Variants in POLDIP3 observed in about 807,000 individuals in gnomAD.
The protein encoded by POLDIP3 is polymerase delta-interacting protein 3.
In POLDIP3, 14 loss-of-function variants were observed where a neutral mutation model predicts 45.1. The ratio of observed to expected loss-of-function variants is 0.31; its 90% CI spans 0.20 to 0.49. The LOEUF (loss-of-function observed/expected upper bound fraction) is 0.49, where lower values mean the gene tolerates loss of function less well. Among genes scored for constraint, POLDIP3 ranks in the 20% least tolerant of loss-of-function variants. POLDIP3 has a pLI of 0.99. For missense variants in POLDIP3, 511 were observed against 538.8 expected, an observed-to-expected ratio of 0.95 and a Z score of 0.51; for synonymous variants, 223 against 205.2, an observed-to-expected ratio of 1.09 and a Z score of -0.74.
intron 1 of POLDIP3, among the ~76,000 whole-genome samples, chr22:42,613,553 A>G (rs1420124731): frequency 6.6e-6 from 1 of 152,180 alleles, no homozygotes; most frequent in African/African-American, 2.4e-5. Flanking sequence ...TGAGGTCAGG[A>G]GTTCGAAACC....
At position 42,585,728 on chromosome 22, in the gene POLDIP3, T is replaced by C. The variant is rs931529692; in HGVS notation, c.*63A>G. The C allele has an allele frequency of 1.3e-6, 2 of 1,544,714 alleles. No homozygotes were observed. Among genetic ancestry groups the C allele is most frequent in the Non-Finnish European group, 1.8e-6 (2 of 1,139,550 alleles). On this transcript the variant is annotated 3_prime_UTR_variant, in exon 9 of 9. Coordinates refer to ENST00000252115, the MANE Select transcript of POLDIP3 (RefSeq NM_032311.5). ...GTCCGATGGCCCATTGGTCATAAGC[T>C]TTGCCTTGGGGAAACAGAGCCACCC...
At chr22:42,607,378 G>C (rs1320708658) in intron 1 of POLDIP3, among the ~76,000 whole-genome samples, 1 of 152,248 alleles carries the variant, frequency 6.6e-6, no homozygotes, top group African/African-American at 2.4e-5. Context: ...CTCCCGAGGT[G>C]CCGGGATTGC....
intron 1 of POLDIP3, among the ~76,000 whole-genome samples, chr22:42,610,293 T>C (rs917458821): frequency 6.6e-6 from 1 of 152,230 alleles, no homozygotes; most frequent in African/African-American, 2.4e-5. Context: ...CTCCCTTTTG[T>C]GTTTAGGTCT....
chr22:42,604,572 G>A (rs939834041), intron 1 of POLDIP3, among the ~76,000 whole-genome samples: 9 of 152,102 alleles, frequency 5.9e-5, no homozygotes, highest in African/African-American at 2.2e-4. Flanking sequence ...CCACTTCACT[G>A]CCTGGACCTC....
chr22:42,584,693 T>C lies in POLDIP3; in HGVS notation c.*1098A>G. The C allele has an allele frequency of 8.4e-6, 3 of 358,904 alleles. No homozygotes were observed. Among genetic ancestry groups the C allele is most frequent in the Non-Finnish European group, 1.6e-5 (3 of 182,964 alleles). The allele number at this position is 358,904 out of a possible 1,614,324, so 22.2% of individuals were successfully genotyped here. ...TGCCTGGTAGAGCTGCCCTGCTCCC[T>C]TGACTCCTCCTCCTCTGCCAAGGCA... On this transcript the variant is annotated 3_prime_UTR_variant, in exon 9 of 9. Coordinates refer to ENST00000252115, the MANE Select transcript of POLDIP3 (RefSeq NM_032311.5).
chr22:42,586,333 T>C (rs1925309888), intron 8 of POLDIP3, among the ~76,000 whole-genome samples: 1 of 130,268 alleles, frequency 7.7e-6, no homozygotes, highest in Non-Finnish European at 1.5e-5. Context: ...TTCTAGGGTT[T>C]TGTGGGGTTT....
chr22:42,595,237 G>A (rs1317305087), intron 6 of POLDIP3, among the ~76,000 whole-genome samples: 1 of 152,252 alleles, frequency 6.6e-6, no homozygotes, highest in Non-Finnish European at 1.5e-5. Context: ...TGGGTACTGA[G>A]TCTTTAATGA....
rs113235247 is a variant in POLDIP3, at chr22:42,605,481, C to T, written c.60-2321G>A. ...GGGTATTTTCTTATAGTAGCCTAAA[C>T]GGACTAAAACAGGCAGTGATGCATG... is the stretch of plus-strand genomic sequence containing the variant. On this transcript the variant is annotated intron_variant, in intron 1 of 8. Transcript: ENST00000252115. Among the ~76,000 whole-genome samples the T allele has an allele frequency of 3.5e-4, 53 of 152,294 alleles. 1 individual carries two copies. The highest frequency in any genetic ancestry group is 1.9e-3 in the South Asian group (9 of 4,826).
At chr22:42,597,675 A>G (rs1483221722) in intron 4 of POLDIP3, 1 of 469,110 alleles carries the variant, frequency 2.1e-6, no homozygotes, top group Non-Finnish European at 4.4e-6. Context: ...AGACTCACTG[A>G]GCAAGCTGAT....
At chr22:42,600,901 C>T (rs907410220) in intron 3 of POLDIP3, among the ~76,000 whole-genome samples, 2 of 151,974 alleles carry the variant, frequency 1.3e-5, no homozygotes, top group African/African-American at 2.4e-5. Context: ...CCCAGGAGTT[C>T]GAGACCAGCC....
At chr22:42,612,010 T>C (rs2146840202) in intron 1 of POLDIP3, among the ~76,000 whole-genome samples, 1 of 152,316 alleles carries the variant, frequency 6.6e-6, no homozygotes, top group South Asian at 2.1e-4. Context: ...GCTGTGCAGG[T>C]GAGATAAAAA....
chr22:42,585,603 A>G lies in POLDIP3; in HGVS notation c.*188T>C, dbSNP rs113778460. 1.4e-5 allele frequency: 9 copies of G among 654,492 alleles called. No homozygotes were observed. The South Asian group carries it at 1.6e-4, about 12-fold the overall frequency. The allele number at this position is 654,492 out of a possible 1,614,324, so 40.5% of individuals were successfully genotyped here. A position where few individuals can be genotyped will look rare whatever the true frequency, so the allele number is the denominator to read the frequency against. On this transcript the variant is annotated 3_prime_UTR_variant, in exon 9 of 9. Coordinates refer to ENST00000252115, the MANE Select transcript of POLDIP3 (RefSeq NM_032311.5). Reference sequence around the variant, plus strand: ...CATACTACAGGAAACGTTAACGTAGAGAGAAGAGCACAGGGCAGAACACAA... The same window carrying G: ...CATACTACAGGAAACGTTAACGTAGGGAGAAGAGCACAGGGCAGAACACAA...
chr22:42,595,773 C>T (rs528029735), intron 5 of POLDIP3, among the ~76,000 whole-genome samples, 159 bp from the exon 6 acceptor site: 1 of 152,174 alleles, frequency 6.6e-6, no homozygotes, highest in Admixed American at 6.5e-5. Flanking sequence ...CTACACCCCC[C>T]ATCACTCTAT....
chr22:42,599,705 T>G lies in POLDIP3; in HGVS notation c.626A>C (p.His209Pro). 1 of 1,603,404 alleles carries G rather than the reference T, an allele frequency of 6.2e-7. No homozygotes were observed. The highest frequency in any genetic ancestry group is 8.5e-7 in the Non-Finnish European group (1 of 1,170,506). Residue 209 changes from histidine (H) to proline (P), a missense_variant, in exon 4 of 9, where the codon CAC becomes CCC. Physicochemically the swap from His to Pro is moderately conservative, Grantham distance 77 (BLOSUM62 -2). Transcript: ENST00000252115. ...AAACATGAAATGCCATACCATGTGG[T>G]GGAGAAAGCCGCCTGAGGCTGCAAA... ...MKFAASGGFLHHMAGLSSSKL... is the reference protein window; with the variant it reads ...MKFAASGGFLPHMAGLSSSKL...
Position 42,607,236 on chromosome 22 carries a change from C to G in POLDIP3, c.60-4076G>C, listed in dbSNP as rs956346912. Among the ~76,000 whole-genome samples, 7 of 152,348 alleles carry G rather than the reference C, an allele frequency of 4.6e-5. No homozygotes were observed. The East Asian group carries it at 7.7e-4, about 17-fold the overall frequency. On this transcript the variant is annotated intron_variant, in intron 1 of 8. Coordinates refer to ENST00000252115, the MANE Select transcript of POLDIP3 (RefSeq NM_032311.5). Reference sequence around the variant, plus strand: ...GCCTGATTCTCCTGCCTCAGCCTGCCGAGTGCCTGGGATTGCAGGCGCGCA... The same window carrying G: ...GCCTGATTCTCCTGCCTCAGCCTGCGGAGTGCCTGGGATTGCAGGCGCGCA...
chr22:42,610,214 A>T (rs1927037694), intron 1 of POLDIP3, among the ~76,000 whole-genome samples: 1 of 152,134 alleles, frequency 6.6e-6, no homozygotes, highest in Non-Finnish European at 1.5e-5. Flanking sequence ...CCCCTTACCC[A>T]AGAGTCTTGT....
In POLDIP3 at chr22:42,593,359, G is replaced by A. The variant is rs141779765; in HGVS notation, c.892-1275C>T. Among the ~76,000 whole-genome samples, 6 of 152,276 alleles carry A rather than the reference G, an allele frequency of 3.9e-5. No individual in the cohort carries two copies. In the East Asian group the frequency reaches 1.2e-3, roughly 29 times the overall value. On this transcript the variant is annotated intron_variant, in intron 6 of 8. Coordinates refer to ENST00000252115, the MANE Select transcript of POLDIP3 (RefSeq NM_032311.5). ...TTTAACATTGCCTATTTGGGTAGAAGAGAAGCGAGGGTGATTATTACTAGC... is the reference window on the plus strand; with the variant it reads ...TTTAACATTGCCTATTTGGGTAGAAAAGAAGCGAGGGTGATTATTACTAGC...
At chr22:42,597,411 T>C (rs115561637) in intron 4 of POLDIP3, among the ~76,000 whole-genome samples, 4,727 of 152,248 alleles carry the variant, frequency 0.031, 219 homozygotes, top group African/African-American at 0.11. Context: ...ACATTCCTCA[T>C]GTGGAATTCT....
chr22:42,609,919 C>A lies in POLDIP3; in HGVS notation c.59+4880G>T, dbSNP rs184243561. Among the ~76,000 whole-genome samples, 24 of 152,270 alleles carry A rather than the reference C, an allele frequency of 1.6e-4. No individual in the cohort carries two copies. In the East Asian group the frequency reaches 4.5e-3, roughly 28 times the overall value. Reference sequence around the variant, plus strand: ...GGGCGAGGTGGCTCACGCCTGTAATCCCAAGCACTTTGGGAGGCTGAGATG... The same window carrying A: ...GGGCGAGGTGGCTCACGCCTGTAATACCAAGCACTTTGGGAGGCTGAGATG... On this transcript the variant is annotated intron_variant, in intron 1 of 8. Transcript: ENST00000252115.
Sources: gnomAD v4.1 joint callset for allele counts (sites outside exome capture counted in the v4.1 genomes callset) on GRCh38, gnomAD v4.1.1 for gene constraint, MANE v1.5 for transcripts, NCBI Gene and HGNC (gene_info 2026-07-23, HGNC 2026-07-21) for gene names.